The following FBXO11 variants were observed in gnomAD, a reference collection of about 807,000 sequenced individuals.
The protein encoded by FBXO11 is F-box protein 11, also known as F-box only protein 11.
A neutral mutation model predicts 117.0 loss-of-function variants in FBXO11; 13 were observed. The ratio of observed to expected loss-of-function variants is 0.11; its 90% CI spans 0.07 to 0.18. The LOEUF (loss-of-function observed/expected upper bound fraction) is 0.18. Ranked by LOEUF, FBXO11 falls within the 10% of genes least tolerant of loss-of-function variation. The probability of loss-of-function intolerance (pLI) is 1.00; values close to 1 mark genes in which losing one functional copy is unlikely to be tolerated. For missense variants in FBXO11, 767 were observed against 1,164.4 expected, an observed-to-expected ratio of 0.66 and a Z score of 4.97; for synonymous variants, 490 against 380.5, an observed-to-expected ratio of 1.29 and a Z score of -3.35.
chr2:47,827,623 T>G (rs1671857272), intron 11 of FBXO11, among the ~76,000 whole-genome samples: 1 of 152,172 alleles, frequency 6.6e-6, no homozygotes, highest in African/African-American at 2.4e-5. Context: ...AAGACGTATT[T>G]TAATAGAATG....
At chr2:47,869,570 G>A (rs982692123) in intron 1 of FBXO11, among the ~76,000 whole-genome samples, 1 of 152,286 alleles carries the variant, frequency 6.6e-6, no homozygotes, top group Non-Finnish European at 1.5e-5. Flanking sequence ...AGACACATCA[G>A]GAATGAAGGT....
At chr2:47,823,097 C>T (rs1162533654) in intron 12 of FBXO11, 46 bp downstream of exon 12, 6 of 1,404,576 alleles carry the variant, frequency 4.3e-6, no homozygotes, top group Non-Finnish European at 5.9e-6. Flanking sequence ...TTTAAGCAAA[C>T]CTTGAAGTGA....
intron 1 of FBXO11, among the ~76,000 whole-genome samples, chr2:47,889,535 A>T (rs1441067678): frequency 6.6e-6 from 1 of 152,182 alleles, no homozygotes; most frequent in Non-Finnish European, 1.5e-5. Flanking sequence ...AAAATCTAAG[A>T]ACTAAATTCA....
intron 4 of FBXO11, among the ~76,000 whole-genome samples, chr2:47,837,435 G>C (rs1029706573): frequency 2.0e-5 from 3 of 152,188 alleles, no homozygotes; most frequent in Non-Finnish European, 2.9e-5. Flanking sequence ...GCTGAGGCAG[G>C]AGAATTGCTT....
intron 1 of FBXO11, among the ~76,000 whole-genome samples, chr2:47,877,730 G>A (rs1015959875): frequency 1.3e-5 from 2 of 152,148 alleles, no homozygotes; most frequent in Non-Finnish European, 2.9e-5. Flanking sequence ...TGTCGCCCAG[G>A]CTGGAATGCA....
chr2:47,852,210 G>A (rs923969795), intron 1 of FBXO11, among the ~76,000 whole-genome samples: 20 of 152,084 alleles, frequency 1.3e-4, no homozygotes, highest in Middle Eastern at 6.8e-3. Context: ...GGGTGGTCTC[G>A]AACTCCTGAC....
intron 17 of FBXO11, 27 bp from the exon 18 acceptor site, chr2:47,813,404 T>C (rs1553336348): frequency 9.9e-6 from 13 of 1,314,764 alleles, no homozygotes; most frequent in African/African-American, 1.5e-5. Flanking sequence ...GTAGGTTATC[T>C]AGAAGGTATA....
chr2:47,808,534 A>T (rs2710163), intron 21 of FBXO11, 107 bp from the exon 22 acceptor site: 1 of 898,092 alleles, frequency 1.1e-6, no homozygotes, highest in Admixed American at 3.1e-5. Flanking sequence ...GGACCAAAAC[A>T]AAATTCTTTG....
At chr2:47,858,695 AAAAAAG>A (rs1430563379) in intron 1 of FBXO11, among the ~76,000 whole-genome samples, 8 of 150,218 alleles carry the variant, frequency 5.3e-5, no homozygotes, top group Admixed American at 5.3e-4. Context: ...AAAAAAAAAA[AAAAAAG>A]AAAAGAAAAA....
chr2:47,895,739 C>A (rs1471088400), intron 1 of FBXO11, among the ~76,000 whole-genome samples: 1 of 152,170 alleles, frequency 6.6e-6, no homozygotes, highest in Non-Finnish European at 1.5e-5. Flanking sequence ...TTCACCCAGG[C>A]TGGAGTGCAG....
intron 1 of FBXO11, among the ~76,000 whole-genome samples, chr2:47,843,042 C>G (rs1216253564): frequency 6.6e-6 from 1 of 152,192 alleles, no homozygotes; most frequent in Non-Finnish European, 1.5e-5. Flanking sequence ...CTGCCATGGC[C>G]TCCCAAAGTG....
At chr2:47,867,406 T>A (rs989216315) in intron 1 of FBXO11, among the ~76,000 whole-genome samples, 2 of 152,202 alleles carry the variant, frequency 1.3e-5, no homozygotes, top group South Asian at 2.1e-4. Flanking sequence ...ATTAAATGAT[T>A]GGCCTGGAAG....
rs1342538119 is a variant in FBXO11, at chr2:47,900,600, AC to A, written c.232+4888del. On this transcript the variant is annotated intron_variant, in intron 1 of 22. Coordinates refer to ENST00000403359, the MANE Select transcript of FBXO11 (RefSeq NM_001190274.2). ...TACACACATATATACGTATATACAC[AC>A]GTATACACACGTATATACACACGTA... Among the ~76,000 whole-genome samples the A allele has an allele frequency of 2.4e-5, 3 of 126,592 alleles. 1 individual carries two copies. The highest frequency in any genetic ancestry group is 5.5e-5 in the Non-Finnish European group (3 of 54,720). 83.0% of individuals were successfully genotyped at this position (126,592 alleles called of 152,430 possible). A position where few individuals can be genotyped will look rare whatever the true frequency, so the allele number is the denominator to read the frequency against.
intron 1 of FBXO11, among the ~76,000 whole-genome samples, chr2:47,847,447 G>A (rs545641619): frequency 1.2e-4 from 19 of 152,066 alleles, no homozygotes; most frequent in Non-Finnish European, 2.4e-4. Flanking sequence ...GGTGGCTCAC[G>A]CCTGTAATCC....
At chr2:47,895,208 C>T (rs1457979521) in intron 1 of FBXO11, among the ~76,000 whole-genome samples, 1 of 152,114 alleles carries the variant, frequency 6.6e-6, no homozygotes, top group African/African-American at 2.4e-5. Flanking sequence ...AAGGAATGCT[C>T]ACAGTAGCAC....
chr2:47,831,333 T>G (rs1327939805), intron 11 of FBXO11, among the ~76,000 whole-genome samples: 3 of 150,396 alleles, frequency 2.0e-5, no homozygotes, highest in Non-Finnish European at 4.4e-5. Flanking sequence ...TGAGAATCGC[T>G]TGAACCAGGA....
At chr2:47,815,750 A>G (rs2104679022) in intron 16 of FBXO11, among the ~76,000 whole-genome samples, 1 of 152,336 alleles carries the variant, frequency 6.6e-6, no homozygotes, top group Admixed American at 6.5e-5. Context: ...TAAGAATCCC[A>G]GATGTAAGGT....
intron 1 of FBXO11, among the ~76,000 whole-genome samples, chr2:47,894,067 G>A (rs1173449084): frequency 6.6e-6 from 1 of 152,196 alleles, no homozygotes; most frequent in Non-Finnish European, 1.5e-5. Flanking sequence ...AGTAGTTCCT[G>A]ATGAACAGAG....
chr2:47,904,662 A>G lies in FBXO11; in HGVS notation c.232+827T>C, dbSNP rs533946011. Among the ~76,000 whole-genome samples, 4 of 151,848 alleles carry G rather than the reference A, an allele frequency of 2.6e-5. No individual in the cohort carries two copies. The South Asian group carries it at 8.3e-4, about 32-fold the overall frequency. ...GCCAGTTCTAAGCAAGGGGCGTTCA[A>G]ACCCCACTAGGAGACGGAGAGTAGC... On this transcript the variant is annotated intron_variant, in intron 1 of 22. Transcript: ENST00000403359.
Sources: gnomAD v4.1 joint callset for allele counts (sites outside exome capture counted in the v4.1 genomes callset) on GRCh38, gnomAD v4.1.1 for gene constraint, MANE v1.5 for transcripts, NCBI Gene and HGNC (gene_info 2026-07-23, HGNC 2026-07-21) for gene names.